The following GRM5 variants were observed in gnomAD, a reference collection of about 807,000 sequenced individuals.
GRM5 encodes the protein glutamate metabotropic receptor 5.
Under a neutral mutation model 83.1 loss-of-function variants are expected in GRM5, and 19 were observed. The observed-to-expected ratio is 0.23, with a 90% CI of 0.16 to 0.34. The LOEUF is 0.34. GRM5 is among the 10% of genes least tolerant of loss of function. The pLI is 1.00. For synonymous variants in GRM5, 675 were observed against 633.6 expected (o/e 1.07, Z -0.98); for missense variants, 1,160 against 1,588.3 (o/e 0.73, Z 4.58).
chr11:88,715,722 C>T (rs934269516), intron 3 of GRM5, among the ~76,000 whole-genome samples: 4 of 151,936 alleles, frequency 2.6e-5, no homozygotes, highest in Non-Finnish European at 5.9e-5. Context: ...TGTTTTCCTG[C>T]TTTGGGTATG....
chr11:88,734,864 G>C (rs577314255), intron 3 of GRM5, among the ~76,000 whole-genome samples: 1 of 152,148 alleles, frequency 6.6e-6, no homozygotes, highest in South Asian at 2.1e-4. Context: ...TCCAGAGATG[G>C]AGTCAACAAT....
chr11:88,668,833 C>A (rs56125552), intron 3 of GRM5, among the ~76,000 whole-genome samples: 14,478 of 152,118 alleles, frequency 0.095, 945 homozygotes, highest in African/African-American at 0.19. Flanking sequence ...CCCCTGGCAA[C>A]CACAATTCAG....
At chr11:88,673,126 A>T (rs1218478414) in intron 3 of GRM5, among the ~76,000 whole-genome samples, 1 of 151,738 alleles carries the variant, frequency 6.6e-6, no homozygotes, top group African/African-American at 2.4e-5. Flanking sequence ...TTTATAGATG[A>T]CTCTTATTTG....
At chr11:88,782,919 C>T (rs191834609) in intron 3 of GRM5, among the ~76,000 whole-genome samples, 14 of 151,990 alleles carry the variant, frequency 9.2e-5, no homozygotes, top group African/African-American at 2.4e-4. Flanking sequence ...ACTTTTATCC[C>T]GGCAACAAAT....
rs151047043 is a variant in GRM5, at chr11:88,540,786, G to A, written c.2631-15382C>T. ...GACAGAGTCTCGCTCTGTCATCCAG[G>A]CTGGAGTGCAGTGGCGTGATCGTGA... On this transcript the variant is annotated intron_variant, in intron 8 of 9. Transcript: ENST00000305447. Among the ~76,000 whole-genome samples the A allele has an allele frequency of 9.2e-5, 14 of 151,844 alleles. No homozygotes were observed. The East Asian group carries it at 2.1e-3, about 23-fold the overall frequency.
chr11:88,653,256 A>G lies in GRM5; in HGVS notation c.1059T>C (p.Pro353=), dbSNP rs1480564680. 1.9e-6 allele frequency: 3 copies of G among 1,613,172 alleles called. No homozygotes were observed. The highest frequency in any genetic ancestry group is 1.1e-5 in the South Asian group (1 of 91,054). The part of the protein sequence containing the change: ...KLRPETNHRN[P]WFQEFWQHRF... ...GATGCTGCCAAAATTCTTGAAACCA[A>G]GGGTTTCGGTGGTTTGTTTCTGGCC... Residue 353 remains proline (P), a synonymous_variant, in exon 4 of 10, where the codon CCT becomes CCC. Transcript: ENST00000305447.
chr11:88,774,280 G>A (rs1215831428), intron 3 of GRM5, among the ~76,000 whole-genome samples: 2 of 151,806 alleles, frequency 1.3e-5, no homozygotes, highest in African/African-American at 4.8e-5. Flanking sequence ...GGAATGCTGT[G>A]ATTTTTGCAC....
chr11:88,994,712 TTTTTG>T (rs911781460), intron 2 of GRM5, among the ~76,000 whole-genome samples: 4 of 151,754 alleles, frequency 2.6e-5, no homozygotes, highest in South Asian at 2.1e-4. Flanking sequence ...CAGAAAGTTC[TTTTTG>T]TTTTGTTTTG....
At chr11:88,655,113 C>G (rs1465705232) in intron 3 of GRM5, among the ~76,000 whole-genome samples, 1 of 152,102 alleles carries the variant, frequency 6.6e-6, no homozygotes, top group Admixed American at 6.6e-5. Context: ...AGTGAAATTT[C>G]AAAAACTTTT....
At chr11:88,526,115 G>A (rs1372162640) in intron 8 of GRM5, among the ~76,000 whole-genome samples, 5 of 152,162 alleles carry the variant, frequency 3.3e-5, no homozygotes, top group Admixed American at 3.3e-4. Context: ...AAAAGTTTCT[G>A]TAAACATTAA....
intron 2 of GRM5, among the ~76,000 whole-genome samples, chr11:88,944,707 T>G (rs896026953): frequency 3.3e-5 from 5 of 151,854 alleles, no homozygotes; most frequent in African/African-American, 1.2e-4. Context: ...TTCACCAGGA[T>G]GCTTAAAATT....
chr11:88,792,629 T>G (rs1246653061), intron 3 of GRM5, among the ~76,000 whole-genome samples: 1 of 152,116 alleles, frequency 6.6e-6, no homozygotes, highest in African/African-American at 2.4e-5. Context: ...ATCTTAAAGA[T>G]GGGAATTTTT....
At chr11:88,748,529 A>C (rs959062504) in intron 3 of GRM5, among the ~76,000 whole-genome samples, 8 of 152,060 alleles carry the variant, frequency 5.3e-5, no homozygotes, top group Non-Finnish European at 1.5e-5. Context: ...GCTGTGGAGA[A>C]CATAAGTGGT....
chr11:88,858,023 A>G (rs1482737694), intron 2 of GRM5, among the ~76,000 whole-genome samples: 15 of 152,094 alleles, frequency 9.9e-5, no homozygotes, highest in Non-Finnish European at 2.2e-4. Context: ...CTTTGTTAAC[A>G]AACAGTTTTC....
chr11:88,981,130 C>T (rs1462471376), intron 2 of GRM5, among the ~76,000 whole-genome samples: 1 of 152,184 alleles, frequency 6.6e-6, no homozygotes, highest in Non-Finnish European at 1.5e-5. Context: ...ATCTCTGCCT[C>T]TTCAACCTCA....
chr11:88,658,344 A>C (rs1177590580), intron 3 of GRM5, among the ~76,000 whole-genome samples: 1 of 152,196 alleles, frequency 6.6e-6, no homozygotes, highest in African/African-American at 2.4e-5. Flanking sequence ...ATTTCTGCTC[A>C]CGTTTCACTG....
chr11:88,853,103 A>G (rs1265312947), intron 2 of GRM5, among the ~76,000 whole-genome samples: 1 of 152,122 alleles, frequency 6.6e-6, no homozygotes, highest in East Asian at 1.9e-4. Flanking sequence ...GACAGAATCC[A>G]TAGAACGTTC....
chr11:88,861,574 T>C (rs545799778), intron 2 of GRM5, among the ~76,000 whole-genome samples: 1 of 152,190 alleles, frequency 6.6e-6, no homozygotes, highest in South Asian at 2.1e-4. Flanking sequence ...CAAGTGATCC[T>C]CCCACCTCAG....
At chr11:88,744,051 G>A in intron 3 of GRM5, among the ~76,000 whole-genome samples, 1 of 152,102 alleles carries the variant, frequency 6.6e-6, no homozygotes, top group East Asian at 1.9e-4. Flanking sequence ...AAGCATACTA[G>A]TAAGGTTCCA....
Sources: allele counts gnomAD v4.1 joint callset (sites outside exome capture counted in the v4.1 genomes callset), GRCh38; gene constraint gnomAD v4.1.1; transcripts MANE v1.5; gene names NCBI Gene and HGNC (gene_info 2026-07-23, HGNC 2026-07-21).